FSTL5: variants seen among roughly 807,000 people sequenced by gnomAD.
FSTL5 encodes the protein follistatin-related protein 5.
FSTL5 carries 62 observed loss-of-function variants against 89.1 expected under a neutral mutation model. The ratio of observed to expected loss-of-function variants is 0.70; its 90% CI spans 0.57 to 0.86. The LOEUF is 0.86. Among genes scored for constraint, FSTL5 ranks in the 40% least tolerant of loss-of-function variants. The pLI, the probability that FSTL5 is intolerant of heterozygous loss-of-function variation, is 0.00. For synonymous variants in FSTL5, 383 were observed against 346.2 expected, an observed-to-expected ratio of 1.11 and a Z score of -1.18; for missense variants, 1,057 against 1,001.6, an observed-to-expected ratio of 1.06 and a Z score of -0.75.
intron 10 of FSTL5, among the ~76,000 whole-genome samples, chr4:161,526,720 TTG>T (rs1731232641): frequency 6.6e-6 from 1 of 152,224 alleles, no homozygotes; most frequent in African/African-American, 2.4e-5. Context: ...TCCACATTGC[TTG>T]TTTTTCTCAG....
chr4:161,475,712 T>A (rs985965491), intron 13 of FSTL5, among the ~76,000 whole-genome samples: 1 of 152,188 alleles, frequency 6.6e-6, no homozygotes, highest in South Asian at 2.1e-4. Flanking sequence ...ATCTAGTAAA[T>A]TTGCCTCAGG....
intron 10 of FSTL5, among the ~76,000 whole-genome samples, chr4:161,527,103 C>T (rs1731249212): frequency 6.6e-6 from 1 of 152,132 alleles, no homozygotes; most frequent in Non-Finnish European, 1.5e-5. Context: ...TTGTTTGTGT[C>T]CTCTTTTATT....
At chr4:162,083,580 C>A (rs888773705) in intron 2 of FSTL5, among the ~76,000 whole-genome samples, 8 of 151,604 alleles carry the variant, frequency 5.3e-5, no homozygotes, top group Non-Finnish European at 1.5e-5. Context: ...GATCTTCTCC[C>A]TGGAAAACAA....
rs1292924562 is a variant in FSTL5, at chr4:161,814,565, C to G, written c.410-38491G>C. Among the ~76,000 whole-genome samples the G allele has an allele frequency of 2.0e-5, 3 of 152,060 alleles. No homozygotes were observed. In the East Asian group the frequency reaches 5.8e-4, roughly 29 times the overall value. On this transcript the variant is annotated intron_variant, in intron 4 of 15. Coordinates refer to ENST00000306100, the MANE Select transcript of FSTL5 (RefSeq NM_020116.5). ...AACTAAGATAAAACCTCACAATGAA[C>G]TTTAGGCTGTGATGGACTCCTGTGC...
At chr4:161,962,701 C>A (rs1735216942) in intron 3 of FSTL5, among the ~76,000 whole-genome samples, 2 of 151,818 alleles carry the variant, frequency 1.3e-5, no homozygotes, top group East Asian at 3.9e-4. Context: ...TCCTTTAGGG[C>A]AGGCACCATG....
In FSTL5 at chr4:162,111,356, A is replaced by C; in HGVS notation, c.41T>G (p.Ile14Ser). ...CWSVVLVLGF[I>S]FLESEGRPTK... ...TGGCCTTCCTTCCGACTCCAGAAAAATGAATCCGAGAACCAAGACAACTGA... is the reference window on the plus strand; with the variant it reads ...TGGCCTTCCTTCCGACTCCAGAAAACTGAATCCGAGAACCAAGACAACTGA... Residue 14 changes from isoleucine to serine, a missense_variant, in exon 2 of 16, where the codon ATT becomes AGT. Ile to Ser is a moderately radical substitution (Grantham distance 142). Transcript: ENST00000306100. The C allele has an allele frequency of 1.2e-6, 2 of 1,612,628 alleles. No homozygotes were observed. Among genetic ancestry groups the C allele is most frequent in the Non-Finnish European group, 1.7e-6 (2 of 1,179,014 alleles).
chr4:161,773,856 A>G (rs1741297896), intron 5 of FSTL5, among the ~76,000 whole-genome samples: 1 of 152,208 alleles, frequency 6.6e-6, no homozygotes, highest in Admixed American at 6.5e-5. Flanking sequence ...CCAAGAAGAA[A>G]ACAAGTCATT....
At chr4:162,149,841 C>T (rs911147765) in intron 1 of FSTL5, among the ~76,000 whole-genome samples, 2 of 152,018 alleles carry the variant, frequency 1.3e-5, no homozygotes, top group African/African-American at 2.4e-5. Flanking sequence ...TTCAATACTA[C>T]GTTCAGTTTG....
At chr4:162,121,105 T>C (rs13130952) in intron 1 of FSTL5, among the ~76,000 whole-genome samples, 43,929 of 151,548 alleles carry the variant, frequency 0.29, 6,545 homozygotes, top group Middle Eastern at 0.37. Flanking sequence ...TGTATGTAAA[T>C]ATACATTTAG....
At chr4:161,846,233 T>A (rs1469726762) in intron 4 of FSTL5, among the ~76,000 whole-genome samples, 2 of 152,124 alleles carry the variant, frequency 1.3e-5, no homozygotes, top group African/African-American at 4.8e-5. Flanking sequence ...AAAAAATAAA[T>A]GTGTGTATTT....
At chr4:161,803,706 T>A (rs1223407780) in intron 4 of FSTL5, among the ~76,000 whole-genome samples, 1 of 151,970 alleles carries the variant, frequency 6.6e-6, no homozygotes, top group Non-Finnish European at 1.5e-5. Flanking sequence ...TGACCAAAAA[T>A]TTATGTAAAA....
At chr4:161,401,685 C>T (rs572379831) in intron 15 of FSTL5, among the ~76,000 whole-genome samples, 35 of 152,056 alleles carry the variant, frequency 2.3e-4, no homozygotes, top group East Asian at 1.9e-3. Flanking sequence ...CCACCATGCC[C>T]GGCTAATTTT....
chr4:161,950,879 GA>G (rs976130849), intron 3 of FSTL5, among the ~76,000 whole-genome samples: 40 of 152,114 alleles, frequency 2.6e-4, no homozygotes, highest in Middle Eastern at 3.4e-3. Context: ...AATCATGCCA[GA>G]AAATACTTGG....
At chr4:161,424,535 A>T (rs1327104584) in intron 15 of FSTL5, among the ~76,000 whole-genome samples, 2 of 149,448 alleles carry the variant, frequency 1.3e-5, no homozygotes, top group Non-Finnish European at 2.9e-5. Context: ...TTTAAATAAA[A>T]AAAAAAAATG....
chr4:161,811,451 T>C (rs962116734), intron 4 of FSTL5, among the ~76,000 whole-genome samples: 2 of 152,192 alleles, frequency 1.3e-5, no homozygotes, highest in African/African-American at 4.8e-5. Flanking sequence ...ATGGACCTTC[T>C]ACACACATCA....
chr4:161,607,332 G>C (rs899681319), intron 7 of FSTL5, among the ~76,000 whole-genome samples: 195 of 152,256 alleles, frequency 1.3e-3, no homozygotes, highest in African/African-American at 4.5e-3. Flanking sequence ...AGATGACACT[G>C]CTGTTGTTGA....
intron 2 of FSTL5, among the ~76,000 whole-genome samples, chr4:162,066,612 T>A (rs1738928089): frequency 8.0e-6 from 1 of 124,390 alleles, no homozygotes; most frequent in African/African-American, 3.1e-5. Context: ...GGCCCCGATG[T>A]GTGATATTTC....
intron 4 of FSTL5, among the ~76,000 whole-genome samples, chr4:161,811,917 T>C (rs552308035): frequency 1.3e-5 from 2 of 152,286 alleles, no homozygotes; most frequent in South Asian, 4.1e-4. Flanking sequence ...GTTCCGAGGA[T>C]CGCTATTCCC....
chr4:161,865,188 C>T (rs1192383378), intron 4 of FSTL5, among the ~76,000 whole-genome samples: 1 of 151,996 alleles, frequency 6.6e-6, no homozygotes, highest in African/African-American at 2.4e-5. Flanking sequence ...ATAAAATACA[C>T]AATGCTCAGA....
Sources: allele counts gnomAD v4.1 joint callset (sites outside exome capture counted in the v4.1 genomes callset), GRCh38; gene constraint gnomAD v4.1.1; transcripts MANE v1.5; gene names NCBI Gene and HGNC (gene_info 2026-07-23, HGNC 2026-07-21).